ADCY8: variants seen among roughly 807,000 people sequenced by gnomAD.
The protein encoded by ADCY8 is adenylate cyclase 8, also known as adenylate cyclase type 8.
ADCY8 carries 51 observed loss-of-function variants against 119.7 expected under a neutral mutation model. The observed-to-expected ratio is 0.43, with a 90% confidence interval of 0.34 to 0.54. The LOEUF (loss-of-function observed/expected upper bound fraction) is 0.54, where lower values mean the gene tolerates loss of function less well. ADCY8 is among the 20% of genes least tolerant of loss of function. The pLI is 0.03. For synonymous variants in ADCY8, 665 were observed against 651.0 expected (o/e 1.02, Z -0.33); for missense variants, 1,383 against 1,598.8 (o/e 0.87, Z 2.30).
At chr8:131,007,905 T>C (rs760932957) in intron 1 of ADCY8, among the ~76,000 whole-genome samples, 20 of 152,136 alleles carry the variant, frequency 1.3e-4, no homozygotes, top group Non-Finnish European at 2.5e-4. Context: ...ACTGAGACAA[T>C]TGATACCTGT....
chr8:130,936,112 T>TGTA (rs1820779524), intron 5 of ADCY8, among the ~76,000 whole-genome samples: 1 of 151,572 alleles, frequency 6.6e-6, no homozygotes, highest in Non-Finnish European at 1.5e-5. Flanking sequence ...TGTGTGTGTA[T>TGTA]TTCTGCCTAT....
At chr8:130,785,081 G>A (rs555097625) in intron 16 of ADCY8, among the ~76,000 whole-genome samples, 17 of 152,312 alleles carry the variant, frequency 1.1e-4, no homozygotes, top group African/African-American at 3.4e-4. Flanking sequence ...AGTATTAGGG[G>A]TTTAGTAAGA....
chr8:130,876,757 G>C (rs960298825), intron 8 of ADCY8, among the ~76,000 whole-genome samples: 2 of 152,050 alleles, frequency 1.3e-5, no homozygotes, highest in African/African-American at 4.8e-5. Context: ...AAATGTTCAT[G>C]GTTTTAACTT....
At chr8:130,970,342 C>A (rs1359780691) in intron 2 of ADCY8, among the ~76,000 whole-genome samples, 1 of 152,130 alleles carries the variant, frequency 6.6e-6, no homozygotes, top group Non-Finnish European at 1.5e-5. Context: ...GGAGCGCAAA[C>A]CCTATGGTGA....
chr8:130,948,514 G>T lies in ADCY8; in HGVS notation c.1241+3354C>A, dbSNP rs1245942018. On this transcript the variant is annotated intron_variant, in intron 3 of 17. Coordinates refer to ENST00000286355, the MANE Select transcript of ADCY8 (RefSeq NM_001115.3). Reference sequence around the variant, plus strand: ...CAAGGGTGTGGCTACCCCAGCCCACGTGGGCACACGAATGCCCCCAAGCAT... The same window carrying T: ...CAAGGGTGTGGCTACCCCAGCCCACTTGGGCACACGAATGCCCCCAAGCAT... Among the ~76,000 whole-genome samples the T allele has an allele frequency of 4.6e-5, 7 of 152,154 alleles. No homozygotes were observed. In the East Asian group the frequency reaches 1.4e-3, roughly 29 times the overall value.
chr8:130,996,154 A>G (rs950706252), intron 1 of ADCY8, among the ~76,000 whole-genome samples: 1 of 152,146 alleles, frequency 6.6e-6, no homozygotes, highest in African/African-American at 2.4e-5. Context: ...TAGAAAAGAA[A>G]AAAAGTACAT....
At chr8:130,966,369 G>A (rs1448939006) in intron 2 of ADCY8, among the ~76,000 whole-genome samples, 1 of 152,116 alleles carries the variant, frequency 6.6e-6, no homozygotes, top group Non-Finnish European at 1.5e-5. Context: ...ACATGATTGA[G>A]GTGCAGGGCC....
intron 1 of ADCY8, among the ~76,000 whole-genome samples, chr8:131,038,144 G>C (rs955514033): frequency 1.3e-5 from 2 of 152,212 alleles, no homozygotes; most frequent in Non-Finnish European, 2.9e-5. Context: ...CAGGAGGCCA[G>C]TGATGGGTGA....
chr8:130,862,454 C>T (rs1243382084), intron 9 of ADCY8, among the ~76,000 whole-genome samples: 2 of 152,068 alleles, frequency 1.3e-5, no homozygotes, highest in Admixed American at 1.3e-4. Context: ...TCTCACTCTC[C>T]CAGGCTGAAT....
At position 130,904,000 on chromosome 8, in the gene ADCY8, A is replaced by AC. The variant is rs762600403; in HGVS notation, c.1682dup (p.Asp562Ter). On this transcript the variant is annotated frameshift_variant, in exon 7 of 18. Transcript: ENST00000286355. LOFTEE classifies it high-confidence loss of function. The stretch of plus-strand genomic sequence containing the variant: ...CATGGCCCTCTTCCACGTTATAGTC[A>AC]CCGTTGAGACAGTCCAGCGTGGCTT... 1 of 1,614,000 alleles carries AC rather than the reference A, an allele frequency of 6.2e-7. No homozygotes were observed. The highest frequency in any genetic ancestry group is 1.1e-5 in the South Asian group (1 of 91,074).
chr8:131,029,232 A>T (rs1241638553), intron 1 of ADCY8, among the ~76,000 whole-genome samples: 2 of 152,260 alleles, frequency 1.3e-5, no homozygotes, highest in Admixed American at 1.3e-4. Context: ...CATCATCCCC[A>T]GATGGGACCA....
At chr8:130,963,695 C>G (rs10090592) in intron 2 of ADCY8, among the ~76,000 whole-genome samples, 119,073 of 151,908 alleles carry the variant, frequency 0.78, 50,086 homozygotes, top group East Asian at 0.95. Flanking sequence ...AAGTCAGGAG[C>G]AGGCCCATGC....
At chr8:130,918,726 C>G (rs1333542131) in intron 5 of ADCY8, among the ~76,000 whole-genome samples, 1 of 152,164 alleles carries the variant, frequency 6.6e-6, no homozygotes, top group African/African-American at 2.4e-5. Flanking sequence ...AAACCAGAAT[C>G]AAACCCTTCC....
intron 15 of ADCY8, among the ~76,000 whole-genome samples, chr8:130,791,945 T>C (rs777640936): frequency 1.3e-5 from 2 of 152,244 alleles, no homozygotes; most frequent in Non-Finnish European, 2.9e-5. Flanking sequence ...GACATCACTT[T>C]CCTTTCTACT....
chr8:130,996,361 CAT>C (rs902339762), intron 1 of ADCY8, among the ~76,000 whole-genome samples: 8 of 151,944 alleles, frequency 5.3e-5, no homozygotes, highest in Non-Finnish European at 1.0e-4. Flanking sequence ...TGAAAGAACA[CAT>C]GAGTTAGACT....
intron 3 of ADCY8, among the ~76,000 whole-genome samples, chr8:130,949,283 G>T (rs1243200859): frequency 1.3e-5 from 2 of 152,100 alleles, no homozygotes; most frequent in Admixed American, 6.5e-5. Context: ...GAGCATGTTG[G>T]TGTGGACGCG....
chr8:131,032,320 C>G (rs1824020674), intron 1 of ADCY8, among the ~76,000 whole-genome samples: 1 of 152,074 alleles, frequency 6.6e-6, no homozygotes, highest in Admixed American at 6.5e-5. Context: ...ATATATAAAG[C>G]AGGAAACAGA....
At chr8:130,977,002 C>T (rs1822091995) in intron 2 of ADCY8, among the ~76,000 whole-genome samples, 1 of 152,188 alleles carries the variant, frequency 6.6e-6, no homozygotes, top group Admixed American at 6.5e-5. Context: ...AGGACATCAA[C>T]CCTGTATTCT....
chr8:130,829,713 A>G (rs910530483), intron 12 of ADCY8, among the ~76,000 whole-genome samples: 1 of 152,242 alleles, frequency 6.6e-6, no homozygotes, highest in Non-Finnish European at 1.5e-5. Context: ...TACATGGTCT[A>G]TGGTAGTCAT....
Sources: allele counts gnomAD v4.1 joint callset (sites outside exome capture counted in the v4.1 genomes callset), GRCh38; gene constraint gnomAD v4.1.1; transcripts MANE v1.5; gene names NCBI Gene and HGNC (gene_info 2026-07-23, HGNC 2026-07-21).